FREM3: variants seen among roughly 807,000 people sequenced by gnomAD.
FREM3 encodes FRAS1-related extracellular matrix protein 3.
FREM3 carries 105 observed loss-of-function variants against 129.1 expected under a neutral mutation model. The ratio of observed to expected loss-of-function variants is 0.81; its 90% CI spans 0.69 to 0.96. The LOEUF is 0.96. Ranked by LOEUF, FREM3 falls within the 40% of genes least tolerant of loss-of-function variation. The pLI, the probability that FREM3 is intolerant of heterozygous loss-of-function variation, is 0.00. For synonymous variants in FREM3, 1,014 were observed against 1,044.9 expected (o/e 0.97, Z 0.57); for missense variants, 2,593 against 2,666.3 (o/e 0.97, Z 0.61).
chr4:143,700,595 G>C lies in FREM3; in HGVS notation c.81C>G (p.Pro27=), dbSNP rs889762506. The C allele has an allele frequency of 5.3e-5, 78 of 1,474,312 alleles. No homozygotes were observed. Among genetic ancestry groups the C allele is most frequent in the Non-Finnish European group, 6.8e-5 (76 of 1,113,968 alleles). 91.3% of individuals were successfully genotyped at this position (1,474,312 alleles called of 1,614,324 possible). Residue 27 remains proline (P), a synonymous_variant, in exon 1 of 8, where the codon CCC becomes CCG. Coordinates refer to ENST00000329798, the MANE Select transcript of FREM3 (RefSeq NM_001168235.2). ...VALACLLLSR[P]ALQGRASSLG... Reference sequence around the variant, plus strand: ...GTGAGGATGCCCGTCCCTGCAGCGCGGGGCGACTCAAGAGCAGGCAGGCGA... The same window carrying C: ...GTGAGGATGCCCGTCCCTGCAGCGCCGGGCGACTCAAGAGCAGGCAGGCGA...
intron 2 of FREM3, among the ~76,000 whole-genome samples, chr4:143,665,371 C>G (rs551603695): frequency 9.7e-4 from 147 of 152,134 alleles, no homozygotes; most frequent in African/African-American, 3.5e-3. Flanking sequence ...TTAACTTATC[C>G]CCCATTAGAC....
chr4:143,605,100 G>C (rs1738645752), intron 6 of FREM3, among the ~76,000 whole-genome samples: 1 of 152,130 alleles, frequency 6.6e-6, no homozygotes, highest in Non-Finnish European at 1.5e-5. Context: ...CCTGTTAAGA[G>C]TCTACTAAGA....
rs1159577311 is a variant in FREM3, at chr4:143,627,762, T to A, written c.5276-2A>T. ...GCTGATTTGTTAGTTTATTTCCTCC[T>A]GCAATTGATAGGGGCAAAGGAAAAG... On this transcript the variant is annotated splice_acceptor_variant, in intron 2 of 7. Coordinates refer to ENST00000329798, the MANE Select transcript of FREM3 (RefSeq NM_001168235.2). LOFTEE classifies it high-confidence loss of function. The A allele has an allele frequency of 1.3e-6, 2 of 1,533,482 alleles. No homozygotes were observed. Among genetic ancestry groups the A allele is most frequent in the Non-Finnish European group, 1.7e-6 (2 of 1,143,844 alleles). The allele number at this position is 1,533,482 out of a possible 1,614,324, so 95.0% of individuals were successfully genotyped here.
chr4:143,648,807 G>A (rs1458062231), intron 2 of FREM3, among the ~76,000 whole-genome samples: 1 of 152,152 alleles, frequency 6.6e-6, no homozygotes, highest in Non-Finnish European at 1.5e-5. Context: ...CTCTCGCGCA[G>A]GCTGGAGTGC....
chr4:143,603,572 TGCCAG>T (rs1482830506), intron 6 of FREM3, among the ~76,000 whole-genome samples: 2 of 151,988 alleles, frequency 1.3e-5, no homozygotes, highest in Admixed American at 1.3e-4. Flanking sequence ...AGATGAGGAG[TGCCAG>T]ATAAAGGAAC....
At position 143,699,925 on chromosome 4, in the gene FREM3, G is replaced by A. The variant is rs904593501; in HGVS notation, c.751C>T (p.Arg251Cys). ...DCEAFLRAGV[R>C]YQHTATSSPN... The stretch of plus-strand genomic sequence containing the variant: ...GAGGAGGTGGCTGTGTGCTGATAGC[G>A]CACCCCAGCACGGAGGAAAGCCTCA... The change falls in exon 1 of 8, where the codon CGC (arginine) becomes TGC (cysteine). Residue 251 changes from arginine (R) to cysteine (C), a missense_variant. Physicochemically the swap from Arg to Cys is radical, Grantham distance 180. Transcript: ENST00000329798. This position sits in a 1 kb window ranked among gnomAD's most constrained non-coding sequence, Gnocchi z 4.2. The A allele has an allele frequency of 6.5e-6, 10 of 1,534,436 alleles. No individual in the cohort carries two copies. In the African/African-American group the frequency reaches 1.2e-4, roughly 19 times the overall value.
chr4:143,623,479 A>G (rs943848218), intron 4 of FREM3, among the ~76,000 whole-genome samples: 4 of 144,676 alleles, frequency 2.8e-5, no homozygotes, highest in Non-Finnish European at 4.5e-5. Context: ...TTGAAATTCA[A>G]AGATGAATAC....
Position 143,700,351 on chromosome 4 carries a change from C to G in FREM3, c.325G>C (p.Ala109Pro). Residue 109 changes from alanine to proline, a missense_variant, in exon 1 of 8, where the codon GCG (alanine) becomes CCG (proline). Ala to Pro is a conservative substitution (Grantham distance 27). Transcript: ENST00000329798. ...CAGGGGAAGCGGCGCGGGGAGAGCG[C>G]GCCCTTGAGCCGCGGCAGGGCGTCC... Reference protein sequence around the residue: ...VLDALPRLKGALSPRRFPCTF... With the variant: ...VLDALPRLKGPLSPRRFPCTF... The G allele has an allele frequency of 6.5e-7, 1 of 1,534,692 alleles. No individual in the cohort carries two copies. Among genetic ancestry groups the G allele is most frequent in the African/African-American group, 1.4e-5 (1 of 73,104 alleles).
Position 143,693,133 on chromosome 4 carries a change from TAGA to T in FREM3, c.5252_5254del (p.Phe1751del). ...CTTACCATTGTCTTCAACAGAGAAA[TAGA>T]AGATGTCCTTTGATGCGTTGCTGCC... On this transcript the variant is annotated inframe_deletion, in exon 2 of 8. Coordinates refer to ENST00000329798, the MANE Select transcript of FREM3 (RefSeq NM_001168235.2). The T allele has an allele frequency of 2.7e-6, 4 of 1,507,686 alleles. No homozygotes were observed. The highest frequency in any genetic ancestry group is 3.6e-6 in the Non-Finnish European group (4 of 1,126,316). 93.4% of individuals were successfully genotyped at this position (1,507,686 alleles called of 1,614,324 possible).
chr4:143,631,554 G>C (rs1025766790), intron 2 of FREM3, among the ~76,000 whole-genome samples: 1 of 152,102 alleles, frequency 6.6e-6, no homozygotes, highest in Non-Finnish European at 1.5e-5. Flanking sequence ...TATTTCCCTA[G>C]TGTGTGCATT....
chr4:143,662,610 A>T (rs1025621672), intron 2 of FREM3, among the ~76,000 whole-genome samples: 61 of 151,654 alleles, frequency 4.0e-4, no homozygotes, highest in African/African-American at 1.5e-3. Context: ...CGCTTGGTGC[A>T]GAGCTGAGTT....
chr4:143,579,194 C>T (rs1056700687), intron 7 of FREM3, among the ~76,000 whole-genome samples: 3 of 152,166 alleles, frequency 2.0e-5, no homozygotes, highest in Non-Finnish European at 4.4e-5. Flanking sequence ...TGGATCATGC[C>T]TGTAATCTCA....
chr4:143,680,377 C>G (rs1432249358), intron 2 of FREM3, among the ~76,000 whole-genome samples: 1 of 151,796 alleles, frequency 6.6e-6, no homozygotes, highest in Non-Finnish European at 1.5e-5. Flanking sequence ...CATTCTGAAC[C>G]TTTTCCAATA....
At position 143,659,926 on chromosome 4, in the gene FREM3, GTTGT is replaced by G. The variant is rs1194281924; in HGVS notation, c.5276-32170_5276-32167del. 2.7e-3 allele frequency among the ~76,000 whole-genome samples: 403 copies of G among 151,712 alleles called. 2 individuals carry two copies. The highest frequency in any genetic ancestry group is 9.4e-3 in the African/African-American group (386 of 41,230). ...TGTCCTTGGCCCACTTTTTGATGGG[GTTGT>G]TTGTTTTTTTCTTGTAAATTTGTTT... On this transcript the variant is annotated intron_variant, in intron 2 of 7. Coordinates refer to ENST00000329798, the MANE Select transcript of FREM3 (RefSeq NM_001168235.2).
chr4:143,621,885 G>A (rs1578838464), intron 4 of FREM3, among the ~76,000 whole-genome samples: 1 of 152,284 alleles, frequency 6.6e-6, no homozygotes, highest in East Asian at 1.9e-4. Context: ...TTTTTATTAA[G>A]CATGCACTGT....
chr4:143,699,367 G>A lies in FREM3; in HGVS notation c.1309C>T (p.His437Tyr). 6.5e-7 allele frequency: 1 copy of A among 1,537,278 alleles called. No homozygotes were observed. The highest frequency in any genetic ancestry group is 8.7e-7 in the Non-Finnish European group (1 of 1,146,918). ...TCAAAAAGCACAAGTCCCCTGTTAT[G>A]GCTAGCCACTGGGACCAGAGTATTC... ...SMNTLVPVASHNRGLVLFEGQ... is the reference protein window; with the variant it reads ...SMNTLVPVASYNRGLVLFEGQ... The change falls in exon 1 of 8, where the codon CAT becomes TAT. Residue 437 changes from histidine (H) to tyrosine (Y), a missense_variant. Physicochemically the swap from His to Tyr is moderately conservative, Grantham distance 83 (BLOSUM62 2). Coordinates refer to ENST00000329798, the MANE Select transcript of FREM3 (RefSeq NM_001168235.2). This position sits in a 1 kb window ranked among gnomAD's most constrained non-coding sequence, Gnocchi z 4.2.
At chr4:143,689,332 C>A (rs1271226947) in intron 2 of FREM3, among the ~76,000 whole-genome samples, 1 of 152,060 alleles carries the variant, frequency 6.6e-6, no homozygotes, top group Non-Finnish European at 1.5e-5. Context: ...TGAGATACCA[C>A]CTCACTCCTG....
Position 143,696,157 on chromosome 4 carries a change from T to C in FREM3, c.4519A>G (p.Lys1507Glu), listed in dbSNP as rs763044414. The change falls in exon 1 of 8, where the codon AAG becomes GAG. Residue 1507 changes from lysine (K) to glutamate (E), a missense_variant. By Grantham distance (56) the Lys-to-Glu change is moderately conservative. This residue lies in a region of FREM3 where 2,276 missense variants were observed against 2,267.2 expected (regional missense o/e 1.00). Transcript: ENST00000329798. ...ACTTGAAATTCGAAGCTGTCCATCT[T>C]TTTCTCATCATTTGAAGTATGGACA... Reference protein sequence around the residue: ...SYVHTSNDEKKMDSFEFQVIG... With the variant: ...SYVHTSNDEKEMDSFEFQVIG... 6.5e-7 allele frequency: 1 copy of C among 1,537,670 alleles called. No individual in the cohort carries two copies. Among genetic ancestry groups the C allele is most frequent in the Admixed American group, 2.0e-5 (1 of 51,008 alleles).
intron 2 of FREM3, among the ~76,000 whole-genome samples, chr4:143,664,283 T>C (rs4257606): frequency 0.087 from 13,275 of 152,178 alleles, 715 homozygotes; most frequent in Middle Eastern, 0.16. Context: ...TCCTTTCTGT[T>C]TGTTAGTTTT....
Sources: gnomAD v4.1 joint callset for allele counts (sites outside exome capture counted in the v4.1 genomes callset) on GRCh38, gnomAD v4.1.1 for gene constraint, gnomAD v4.1.1 regional missense constraint, Gnocchi (gnomAD v3.1) non-coding constraint, MANE v1.5 for transcripts, NCBI Gene and HGNC (gene_info 2026-07-23, HGNC 2026-07-21) for gene names.